CCDC39: variants seen among roughly 807,000 people sequenced by gnomAD.
The protein encoded by CCDC39 is coiled-coil domain 39 molecular ruler complex subunit.
CCDC39 carries 113 observed loss-of-function variants against 121.0 expected under a neutral mutation model. The ratio of observed to expected loss-of-function variants is 0.93; its 90% CI spans 0.80 to 1.09. The LOEUF (loss-of-function observed/expected upper bound fraction) is 1.09, where lower values mean the gene tolerates loss of function less well. Ranked by LOEUF, CCDC39 falls within the 50% of genes least tolerant of loss-of-function variation. CCDC39 has a pLI of 0.00. For missense variants in CCDC39, 1,063 were observed against 1,074.7 expected, an observed-to-expected ratio of 0.99 and a Z score of 0.15; for synonymous variants, 349 against 352.2, an observed-to-expected ratio of 0.99 and a Z score of 0.10.
At chr3:180,640,742 A>C (rs561599440) in intron 13 of CCDC39, among the ~76,000 whole-genome samples, 1 of 152,220 alleles carries the variant, frequency 6.6e-6, no homozygotes, top group South Asian at 2.1e-4. Flanking sequence ...ATAAATACAA[A>C]ATCTGCATTG....
At chr3:180,654,479 G>T (rs1711536724) in intron 7 of CCDC39, among the ~76,000 whole-genome samples, 1 of 151,380 alleles carries the variant, frequency 6.6e-6, no homozygotes, top group Non-Finnish European at 1.5e-5. Context: ...TTAAGGAAAA[G>T]GAACCACCAA....
intron 14 of CCDC39, among the ~76,000 whole-genome samples, chr3:180,621,200 T>A (rs950069371): frequency 5.3e-5 from 8 of 152,164 alleles, no homozygotes; most frequent in Admixed American, 4.6e-4. Flanking sequence ...ACATCTTTGC[T>A]ATTGTAAACA....
At chr3:180,627,517 C>T (rs953884680) in intron 14 of CCDC39, among the ~76,000 whole-genome samples, 1 of 152,122 alleles carries the variant, frequency 6.6e-6, no homozygotes, top group African/African-American at 2.4e-5. Flanking sequence ...ATTCCATTCG[C>T]TTCTAAATCA....
chr3:180,615,677 A>C (rs1055485461), intron 19 of CCDC39, among the ~76,000 whole-genome samples: 2 of 152,168 alleles, frequency 1.3e-5, no homozygotes, highest in Non-Finnish European at 2.9e-5. Flanking sequence ...TTTAATAAGT[A>C]GCTGCTGAAT....
chr3:180,657,978 G>A (rs80175839), intron 6 of CCDC39, among the ~76,000 whole-genome samples: 5,876 of 152,220 alleles, frequency 0.039, 389 homozygotes, highest in African/African-American at 0.13. Flanking sequence ...GGTGGCTCAC[G>A]CCTGTAATCC....
intron 13 of CCDC39, among the ~76,000 whole-genome samples, chr3:180,632,206 G>A (rs1327476928): frequency 6.6e-6 from 1 of 152,160 alleles, no homozygotes; most frequent in African/African-American, 2.4e-5. Context: ...TCTTTAAAAA[G>A]ATAGTCCAAA....
Position 180,619,891 on chromosome 3 carries a change from T to C in CCDC39, c.2078A>G (p.Tyr693Cys). ...CACTTGAAGGGTATTTTCTAGAGCG[T>C]AGATTTCTTTTTCAGCTTTGTTGAT... ...AKINKAEKEI[Y>C]ALENTLQVLN... The change falls in exon 15 of 20, where the codon TAC (tyrosine) becomes TGC (cysteine). Residue 693 changes from tyrosine (Y) to cysteine (C), a missense_variant. Transcript: ENST00000476379. 2 of 1,610,790 alleles carry C rather than the reference T, an allele frequency of 1.2e-6. No individual in the cohort carries two copies. The highest frequency in any genetic ancestry group is 1.7e-6 in the Non-Finnish European group (2 of 1,178,500).
intron 1 of CCDC39, among the ~76,000 whole-genome samples, chr3:180,674,430 A>G (rs929111997): frequency 8.5e-5 from 13 of 152,262 alleles, no homozygotes; most frequent in African/African-American, 3.1e-4. Context: ...GCAAACAGGG[A>G]CAATTTGACT....
rs748599080 is a variant in CCDC39 at position 180,616,625 on chromosome 3, ATGTCT to A, written c.2472_2476del (p.Gln824HisfsTer5). 1 of 1,595,882 alleles carries A rather than the reference ATGTCT, an allele frequency of 6.3e-7. No individual in the cohort carries two copies. Among genetic ancestry groups the A allele is most frequent in the East Asian group, 2.2e-5 (1 of 44,524 alleles). On this transcript the variant is annotated frameshift_variant, in exon 18 of 20. Coordinates refer to ENST00000476379, the MANE Select transcript of CCDC39 (RefSeq NM_181426.2). LOFTEE classifies it high-confidence loss of function. ...AAACTGTTTCATTTCACGAAGTTTG[ATGTCT>A]TGTTCTTCCATTGTTTCATCTTTTG...
chr3:180,665,962 G>A (rs547773588), intron 1 of CCDC39, among the ~76,000 whole-genome samples: 14 of 151,742 alleles, frequency 9.2e-5, no homozygotes, highest in African/African-American at 3.4e-4. Flanking sequence ...TTTAATTTTG[G>A]CAAAATATAC....
At chr3:180,621,475 A>C (rs1717430799) in intron 14 of CCDC39, among the ~76,000 whole-genome samples, 1 of 151,782 alleles carries the variant, frequency 6.6e-6, no homozygotes, top group African/African-American at 2.4e-5. Flanking sequence ...TTTAATTTAC[A>C]TTTCTCTAAT....
intron 13 of CCDC39, among the ~76,000 whole-genome samples, chr3:180,641,185 T>C (rs962446871): frequency 3.9e-5 from 6 of 152,088 alleles, no homozygotes; most frequent in African/African-American, 1.4e-4. Flanking sequence ...TGTCAATAAG[T>C]GCTGAGAAAG....
chr3:180,670,885 A>G (rs1461326684), intron 1 of CCDC39, among the ~76,000 whole-genome samples: 1 of 152,100 alleles, frequency 6.6e-6, no homozygotes. Context: ...GTCCCATGTC[A>G]GTTTACCATT....
At position 180,614,066 on chromosome 3, in the gene CCDC39, G is replaced by C; in HGVS notation, c.*855C>G. On this transcript the variant is annotated 3_prime_UTR_variant, in exon 20 of 20. Transcript: ENST00000476379. ...TATAATATTCCACACTCTATTCCAA[G>C]AGTACAAAGTGTTGGGCACATGTTA... is the stretch of plus-strand genomic sequence containing the variant. The C allele has an allele frequency of 3.4e-6, 1 of 291,166 alleles. No individual in the cohort carries two copies. The highest frequency in any genetic ancestry group is 8.9e-5 in the East Asian group (1 of 11,284). The allele number at this position is 291,166 out of a possible 1,614,324, so 18.0% of individuals were successfully genotyped here.
chr3:180,637,807 C>T (rs1717866812), intron 13 of CCDC39, among the ~76,000 whole-genome samples: 1 of 152,094 alleles, frequency 6.6e-6, no homozygotes, highest in Non-Finnish European at 1.5e-5. Flanking sequence ...AGGCCATTAT[C>T]CTTAGCAAAC....
Position 180,633,165 on chromosome 3 carries a change from G to A in CCDC39, c.1875-1573C>T, listed in dbSNP as rs558927491. 4.3e-4 allele frequency among the ~76,000 whole-genome samples: 65 copies of A among 152,280 alleles called. 1 individual carries two copies. The South Asian group carries it at 0.013, about 31-fold the overall frequency. On this transcript the variant is annotated intron_variant, in intron 13 of 19. Coordinates refer to ENST00000476379, the MANE Select transcript of CCDC39 (RefSeq NM_181426.2). ...AGCCTACAATCAGCCCTCCCATTTA[G>A]AGGAGCGATCTGTTGGAGAAAACCA...
rs752180569 is a variant in CCDC39, at chr3:180,654,871, C to G, written c.821G>C (p.Gly274Ala). 4 of 1,599,154 alleles carry G rather than the reference C, an allele frequency of 2.5e-6. No individual in the cohort carries two copies. The South Asian group carries it at 4.6e-5, about 18-fold the overall frequency. Reference sequence around the variant, plus strand: ...TCTTTTCTCAAACTCTGTGTTATTCCCAATCTCACTTTCCAAAAACTTGAT... The same window carrying G: ...TCTTTTCTCAAACTCTGTGTTATTCGCAATCTCACTTTCCAAAAACTTGAT... ...EKIKFLESEI[G>A]NNTEFEKRIS... Residue 274 changes from glycine (G) to alanine (A), a missense_variant, in exon 7 of 20, where the codon GGG becomes GCG. By Grantham distance (60) the Gly-to-Ala change is moderately conservative. Coordinates refer to ENST00000476379, the MANE Select transcript of CCDC39 (RefSeq NM_181426.2).
At chr3:180,630,150 G>C (rs1717661850) in intron 14 of CCDC39, among the ~76,000 whole-genome samples, 1 of 152,104 alleles carries the variant, frequency 6.6e-6, no homozygotes, top group Admixed American at 6.5e-5. Context: ...CTTAACACCA[G>C]TACTTTTAGG....
chr3:180,631,529 A>C lies in CCDC39; in HGVS notation c.1938T>G (p.Thr646=), dbSNP rs1254154027. 6.2e-7 allele frequency: 1 copy of C among 1,608,900 alleles called. No individual in the cohort carries two copies. Among genetic ancestry groups the C allele is most frequent in the Non-Finnish European group, 8.5e-7 (1 of 1,178,812 alleles). The change falls in exon 14 of 20, where the codon ACT becomes ACG. Residue 646 remains threonine (T), a synonymous_variant. Transcript: ENST00000476379. ...EKLKNRYEIL[T]VVMLPPEGEE... ...CTCCTTCAGGAGGCAGCATAACAAC[A>C]GTCAGAATTTCATATCTATTCTTCA... is the stretch of plus-strand genomic sequence containing the variant.
Sources: gnomAD v4.1 joint callset for allele counts (sites outside exome capture counted in the v4.1 genomes callset) on GRCh38, gnomAD v4.1.1 for gene constraint, MANE v1.5 for transcripts, NCBI Gene and HGNC (gene_info 2026-07-23, HGNC 2026-07-21) for gene names.